Variants in TDP1 observed in about 807,000 individuals in gnomAD.
The protein encoded by TDP1 is tyrosyl-DNA phosphodiesterase 1.
In TDP1, 64 loss-of-function variants were observed where a neutral mutation model predicts 81.5. That is an observed-to-expected ratio of 0.79 (90% CI 0.64 to 0.97). The LOEUF (loss-of-function observed/expected upper bound fraction) is 0.97. Ranked by LOEUF, TDP1 falls within the 50% of genes least tolerant of loss-of-function variation. The pLI is 0.00. For synonymous variants in TDP1, 256 were observed against 264.3 expected, an observed-to-expected ratio of 0.97 and a Z score of 0.30; for missense variants, 723 against 743.8, an observed-to-expected ratio of 0.97 and a Z score of 0.33.
chr14:89,970,381 G>C (rs887081129), intron 5 of TDP1, among the ~76,000 whole-genome samples: 9 of 152,278 alleles, frequency 5.9e-5, no homozygotes, highest in African/African-American at 2.2e-4. Context: ...GGCCTGGCCT[G>C]GGCCTGTTCT....
At position 89,963,548 on chromosome 14, in the gene TDP1, A is replaced by G. The variant is rs1892586567; in HGVS notation, c.434A>G (p.Tyr145Cys). The G allele has an allele frequency of 1.2e-6, 2 of 1,610,920 alleles. No homozygotes were observed. The highest frequency in any genetic ancestry group is 2.7e-5 in the African/African-American group (2 of 74,762). Residue 145 changes from tyrosine (Y) to cysteine (C), a missense_variant, in exon 3 of 17, where the codon TAT (tyrosine) becomes TGT (cysteine). By Grantham distance (194) the Tyr-to-Cys change is radical. Coordinates refer to ENST00000335725, the MANE Select transcript of TDP1 (RefSeq NM_018319.4). ...CHRLKEEEDE[Y>C]ETSGEGQDIW... is the part of the protein sequence containing the mutation. ...AGGCTCAAAGAGGAGGAAGACGAGT[A>G]TGAGACATCAGGGGAGGGCCAGGAC...
At position 89,989,049 on chromosome 14, in the gene TDP1, G is replaced by C; in HGVS notation, c.1276G>C (p.Glu426Gln). Residue 426 changes from glutamate to glutamine, a missense_variant, in exon 11 of 17, where the codon GAA (glutamate) becomes CAA (glutamine). Physicochemically the swap from Glu to Gln is conservative, Grantham distance 29. Transcript: ENST00000335725. Reference protein sequence around the residue: ...FKESMLTLGKESKTPGKSSVP... With the variant: ...FKESMLTLGKQSKTPGKSSVP... ...AGAGAGCATGCTGACACTGGGGAAGGAAAGCAAGACTCCAGGAAAAAGCTC... is the reference window on the plus strand; with the variant it reads ...AGAGAGCATGCTGACACTGGGGAAGCAAAGCAAGACTCCAGGAAAAAGCTC... 1 of 1,614,150 alleles carries C rather than the reference G, an allele frequency of 6.2e-7. No individual in the cohort carries two copies. The highest frequency in any genetic ancestry group is 8.5e-7 in the Non-Finnish European group (1 of 1,180,004).
intron 7 of TDP1, among the ~76,000 whole-genome samples, chr14:89,978,817 G>A (rs538747724): frequency 1.3e-5 from 2 of 152,276 alleles, no homozygotes; most frequent in South Asian, 4.1e-4. Context: ...CCAGATTTCA[G>A]GGAGCACATT....
At chr14:89,977,806 G>A (rs1894529878) in intron 7 of TDP1, among the ~76,000 whole-genome samples, 2 of 150,772 alleles carry the variant, frequency 1.3e-5, no homozygotes, top group Middle Eastern at 3.4e-3. Flanking sequence ...AACAGTGAAC[G>A]AGGCAGTCTT....
chr14:89,992,200 T>A (rs1379480678), intron 13 of TDP1, among the ~76,000 whole-genome samples: 1 of 152,230 alleles, frequency 6.6e-6, no homozygotes, highest in Non-Finnish European at 1.5e-5. Context: ...GCTGTGAGGT[T>A]TCTATTTAAA....
intron 14 of TDP1, among the ~76,000 whole-genome samples, chr14:90,004,675 C>G: frequency 6.6e-6 from 1 of 152,102 alleles, no homozygotes; most frequent in African/African-American, 2.4e-5. Context: ...AGGTGTGGTC[C>G]CTGCTCTCAT....
chr14:90,023,575 A>C (rs578019653), intron 15 of TDP1, among the ~76,000 whole-genome samples: 1 of 152,380 alleles, frequency 6.6e-6, no homozygotes, highest in African/African-American at 2.4e-5. Flanking sequence ...ACTTGAGGAT[A>C]TAGCACATTG....
At chr14:89,977,236 A>G (rs1195177268) in intron 7 of TDP1, among the ~76,000 whole-genome samples, 1 of 152,262 alleles carries the variant, frequency 6.6e-6, no homozygotes, top group Non-Finnish European at 1.5e-5. Flanking sequence ...TTTTGTTGAA[A>G]TGACATTATC....
intron 16 of TDP1, among the ~76,000 whole-genome samples, chr14:90,042,554 T>C (rs1888461941): frequency 1.3e-5 from 2 of 152,200 alleles, no homozygotes; most frequent in South Asian, 2.1e-4. Context: ...GGGTAATTTA[T>C]AAAGGAAAGA....
chr14:90,016,828 AAGGGTTTGGGT>A (rs1174084004), intron 14 of TDP1, among the ~76,000 whole-genome samples: 1 of 152,162 alleles, frequency 6.6e-6, no homozygotes, highest in Non-Finnish European at 1.5e-5. Context: ...TGACTTTAGT[AAGGGTTTGGGT>A]AGTGTTTCTG....
At chr14:89,962,079 C>A (rs1892393262) in intron 2 of TDP1, among the ~76,000 whole-genome samples, 1 of 152,068 alleles carries the variant, frequency 6.6e-6, no homozygotes, top group African/African-American at 2.4e-5. Flanking sequence ...TTCCTGTTCT[C>A]AGAACAAGAA....
At chr14:89,970,421 T>C (rs1039612713) in intron 5 of TDP1, among the ~76,000 whole-genome samples, 1 of 152,190 alleles carries the variant, frequency 6.6e-6, no homozygotes, top group African/African-American at 2.4e-5. Flanking sequence ...GCTCAGTACA[T>C]AGCACACAGG....
In TDP1 at chr14:89,990,027, A is replaced by G. The variant is rs561371031; in HGVS notation, c.1366+262A>G. ...AACCAGCAGGTTGGTTGTCCAGACA[A>G]GATAGCCAAATAAAATCAGCTTCCC... is the stretch of plus-strand genomic sequence containing the variant. On this transcript the variant is annotated intron_variant, in intron 12 of 16. Coordinates refer to ENST00000335725, the MANE Select transcript of TDP1 (RefSeq NM_018319.4). 1.9e-4 allele frequency among the ~76,000 whole-genome samples: 29 copies of G among 152,306 alleles called. No homozygotes were observed. The South Asian group carries it at 5.6e-3, about 29-fold the overall frequency.
chr14:90,018,892 A>G (rs1258758357), intron 14 of TDP1: 10 of 905,790 alleles, frequency 1.1e-5, no homozygotes, highest in Non-Finnish European at 1.3e-5. Flanking sequence ...CCTGGCAAAA[A>G]AACTGAAAAA....
At position 90,044,487 on chromosome 14, in the gene TDP1, A is replaced by T. The variant is rs2140368844; in HGVS notation, c.*1344A>T. 1 of 152,330 alleles carries T rather than the reference A, an allele frequency of 6.6e-6. No individual in the cohort carries two copies. Among genetic ancestry groups the T allele is most frequent in the East Asian group, 1.9e-4 (1 of 5,180 alleles). 9.4% of individuals were successfully genotyped at this position (152,330 alleles called of 1,614,324 possible). A position where few individuals can be genotyped will look rare whatever the true frequency, so the allele number is the denominator to read the frequency against. ...ATCTTATAATTTAGGATAGAGTTGAACGTTAGTCTTGAAAGATTTTCTAAA... is the reference window on the plus strand; with the variant it reads ...ATCTTATAATTTAGGATAGAGTTGATCGTTAGTCTTGAAAGATTTTCTAAA... On this transcript the variant is annotated 3_prime_UTR_variant, in exon 17 of 17. Transcript: ENST00000335725.
In TDP1 at chr14:90,017,054, C is replaced by T. The variant is rs541448673; in HGVS notation, c.1542-2262C>T. On this transcript the variant is annotated intron_variant, in intron 14 of 16. Transcript: ENST00000335725. ...GGCAGGGGGAACAAAATGGTGAAAA[C>T]GAGTTTTCAACAGAAGCCAGGACAG... 5.3e-5 allele frequency among the ~76,000 whole-genome samples: 8 copies of T among 152,202 alleles called. No individual in the cohort carries two copies. In the East Asian group the frequency reaches 1.4e-3, roughly 26 times the overall value.
chr14:89,994,857 C>T (rs1259486862), intron 14 of TDP1, among the ~76,000 whole-genome samples: 1 of 152,132 alleles, frequency 6.6e-6, no homozygotes, highest in East Asian at 1.9e-4. Context: ...AGGACAAAGG[C>T]CATGGAGGTG....
chr14:90,015,628 A>T (rs1220983200), intron 14 of TDP1, among the ~76,000 whole-genome samples: 2 of 152,218 alleles, frequency 1.3e-5, no homozygotes, highest in Non-Finnish European at 2.9e-5. Context: ...ATGGCCAGGT[A>T]CCGGTGAGGG....
chr14:89,982,890 T>C (rs1352603872), intron 8 of TDP1, among the ~76,000 whole-genome samples: 1 of 152,216 alleles, frequency 6.6e-6, no homozygotes, highest in African/African-American at 2.4e-5. Context: ...ACTTCATAAT[T>C]GGTCTACTGT....
Sources: gnomAD v4.1 joint callset for allele counts (sites outside exome capture counted in the v4.1 genomes callset) on GRCh38, gnomAD v4.1.1 for gene constraint, MANE v1.5 for transcripts, NCBI Gene and HGNC (gene_info 2026-07-23, HGNC 2026-07-21) for gene names.